ACSS3: variants seen among roughly 807,000 people sequenced by gnomAD.
ACSS3 encodes the protein acyl-CoA synthetase short-chain family member 3, mitochondrial.
ACSS3 carries 64 observed loss-of-function variants against 84.2 expected under a neutral mutation model. The observed-to-expected ratio is 0.76, with a 90% CI of 0.62 to 0.94. The LOEUF (loss-of-function observed/expected upper bound fraction) is 0.94. Ranked by LOEUF, ACSS3 falls within the 40% of genes least tolerant of loss-of-function variation. ACSS3 has a pLI of 0.00. For missense variants in ACSS3, 815 were observed against 867.6 expected, an observed-to-expected ratio of 0.94 and a Z score of 0.76; for synonymous variants, 317 against 310.1, an observed-to-expected ratio of 1.02 and a Z score of -0.23.
At chr12:81,157,784 G>A (rs200515998) in intron 7 of ACSS3, among the ~76,000 whole-genome samples, 1 of 151,994 alleles carries the variant, frequency 6.6e-6, no homozygotes. Context: ...TCCAGCCTGG[G>A]CAACAGAGCA....
intron 9 of ACSS3, among the ~76,000 whole-genome samples, chr12:81,201,313 A>G (rs999504603): frequency 6.6e-6 from 1 of 152,252 alleles, no homozygotes; most frequent in Non-Finnish European, 1.5e-5. Flanking sequence ...ATGGGGGACT[A>G]CTTTCCACAC....
rs576259554 is a variant in ACSS3 at position 81,221,842 on chromosome 12, A to G, written c.1514+1766A>G. Among the ~76,000 whole-genome samples, 28 of 152,186 alleles carry G rather than the reference A, an allele frequency of 1.8e-4. No individual in the cohort carries two copies. In the South Asian group the frequency reaches 5.4e-3, roughly 29 times the overall value. ...AGAATGGTTTTTGAGAGCTTTTCAA[A>G]GCACTTTAGCAGCATACATTTTTAT... On this transcript the variant is annotated intron_variant, in intron 11 of 15. Coordinates refer to ENST00000548058, the MANE Select transcript of ACSS3 (RefSeq NM_024560.4).
At chr12:81,173,146 A>T (rs2030206349) in intron 7 of ACSS3, among the ~76,000 whole-genome samples, 1 of 152,244 alleles carries the variant, frequency 6.6e-6, no homozygotes, top group Non-Finnish European at 1.5e-5. Context: ...ATATCAAAAA[A>T]GTAAAAATAA....
intron 8 of ACSS3, among the ~76,000 whole-genome samples, chr12:81,189,780 T>C (rs1216120538): frequency 6.6e-6 from 1 of 152,134 alleles, no homozygotes; most frequent in African/African-American, 2.4e-5. Flanking sequence ...TGTATTTCAT[T>C]TTCTAGAAAT....
At chr12:81,119,840 T>A (rs1008558629) in intron 2 of ACSS3, among the ~76,000 whole-genome samples, 2 of 152,198 alleles carry the variant, frequency 1.3e-5, no homozygotes, top group African/African-American at 2.4e-5. Flanking sequence ...ATCACAGTGA[T>A]CCTGAGGTGA....
At chr12:81,222,356 A>G (rs1450001700) in intron 11 of ACSS3, among the ~76,000 whole-genome samples, 1 of 152,078 alleles carries the variant, frequency 6.6e-6, no homozygotes, top group Non-Finnish European at 1.5e-5. Context: ...GGTTACCACC[A>G]AGATTTCTCT....
intron 7 of ACSS3, among the ~76,000 whole-genome samples, chr12:81,156,294 G>A (rs900793676): frequency 9.2e-5 from 14 of 151,394 alleles, no homozygotes; most frequent in Admixed American, 7.9e-4. Context: ...AATTTTGGAG[G>A]ACACAACTAA....
At chr12:81,182,603 T>G (rs1214931525) in intron 8 of ACSS3, among the ~76,000 whole-genome samples, 1 of 152,126 alleles carries the variant, frequency 6.6e-6, no homozygotes, top group Non-Finnish European at 1.5e-5. Flanking sequence ...AAAAACAAAT[T>G]GTGTATCAGG....
rs1885959259 is a variant in ACSS3 at position 81,139,206 on chromosome 12, G to T, written c.721G>T (p.Ala241Ser). 7 of 1,613,948 alleles carry T rather than the reference G, an allele frequency of 4.3e-6. No homozygotes were observed. Among genetic ancestry groups the T allele is most frequent in the Non-Finnish European group, 5.9e-6 (7 of 1,179,928 alleles). The change falls in exon 4 of 16, where the codon GCG becomes TCG. Residue 241 changes from alanine to serine, a missense_variant. Transcript: ENST00000548058. ...AGAGTACGTACCACTTGTAGAAGAA[G>T]CGCTAAAAATAGGACAACACAAACC... ...RVEYVPLVEE[A>S]LKIGQHKPDK...
intron 8 of ACSS3, among the ~76,000 whole-genome samples, chr12:81,193,993 G>A (rs139048429): frequency 3.7e-4 from 56 of 151,458 alleles, no homozygotes; most frequent in Admixed American, 1.9e-3. Context: ...AATTTTCTAC[G>A]GTAGGCATTT....
intron 11 of ACSS3, among the ~76,000 whole-genome samples, chr12:81,228,837 G>T (rs73156024): frequency 6.6e-6 from 1 of 151,826 alleles, no homozygotes; most frequent in African/African-American, 2.4e-5. Context: ...AGCAGATAGT[G>T]TGTGGATGCT....
chr12:81,223,841 T>C (rs542614195), intron 11 of ACSS3, among the ~76,000 whole-genome samples: 2 of 152,066 alleles, frequency 1.3e-5, no homozygotes, highest in South Asian at 4.1e-4. Context: ...AAATTCCAGA[T>C]GGAGAAGTGA....
chr12:81,134,754 A>C, intron 2 of ACSS3, 62 bp from the exon 3 acceptor site: 1 of 1,375,292 alleles, frequency 7.3e-7, no homozygotes, highest in Non-Finnish European at 9.6e-7. Context: ...TTACTGCCTT[A>C]AGTTAGAAGT....
chr12:81,252,220 G>A (rs563636248), intron 13 of ACSS3, among the ~76,000 whole-genome samples: 2 of 151,982 alleles, frequency 1.3e-5, no homozygotes, highest in Admixed American at 1.3e-4. Flanking sequence ...TGCTTTTGCT[G>A]TATCTTTCAT....
chr12:81,153,438 G>A (rs1229126300), intron 7 of ACSS3, among the ~76,000 whole-genome samples: 2 of 151,728 alleles, frequency 1.3e-5, no homozygotes, highest in African/African-American at 2.4e-5. Context: ...AAGAAATTGG[G>A]AATGGCTAGT....
intron 1 of ACSS3, among the ~76,000 whole-genome samples, chr12:81,088,693 G>C (rs1480221044): frequency 3.3e-5 from 5 of 151,952 alleles, no homozygotes; most frequent in African/African-American, 9.7e-5. Flanking sequence ...TTTCAACCCA[G>C]GCTGGCTGAA....
Position 81,118,184 on chromosome 12 carries a change from A to C in ACSS3, c.456+8480A>C, listed in dbSNP as rs552948461. 18 of 152,212 alleles carry C rather than the reference A, an allele frequency of 1.2e-4. No homozygotes were observed. In the South Asian group the frequency reaches 2.5e-3, roughly 21 times the overall value. 9.4% of individuals were successfully genotyped at this position (152,212 alleles called of 1,614,324 possible). ...GATACACTATCCCCCCCTCCACTCA[A>C]ATTTTTAAATGTTAGGTCAAAGGCT... On this transcript the variant is annotated intron_variant, in intron 2 of 15. Coordinates refer to ENST00000548058, the MANE Select transcript of ACSS3 (RefSeq NM_024560.4).
chr12:81,128,806 C>T (rs1392899672), intron 2 of ACSS3, among the ~76,000 whole-genome samples: 2 of 152,112 alleles, frequency 1.3e-5, no homozygotes, highest in Non-Finnish European at 2.9e-5. Flanking sequence ...AATTTTCCAC[C>T]TGAAGTTGAT....
chr12:81,208,509 G>A (rs1270869630), intron 9 of ACSS3, among the ~76,000 whole-genome samples: 1 of 152,024 alleles, frequency 6.6e-6, no homozygotes, highest in Non-Finnish European at 1.5e-5. Context: ...TTGATCTTGA[G>A]TATAATTAAA....
Sources: gnomAD v4.1 joint callset for allele counts (sites outside exome capture counted in the v4.1 genomes callset) on GRCh38, gnomAD v4.1.1 for gene constraint, MANE v1.5 for transcripts, NCBI Gene and HGNC (gene_info 2026-07-23, HGNC 2026-07-21) for gene names.